The following PTPRD variants were observed in gnomAD, a reference collection of about 807,000 sequenced individuals.
PTPRD encodes the protein receptor-type tyrosine-protein phosphatase delta.
Under a neutral mutation model 214.5 loss-of-function variants are expected in PTPRD, and 34 were observed. That is an observed-to-expected ratio of 0.16 (90% CI 0.12 to 0.21). The LOEUF is 0.21. Ranked by LOEUF, PTPRD falls within the 10% of genes least tolerant of loss-of-function variation. The pLI is 1.00. For synonymous variants in PTPRD, 1,128 were observed against 845.7 expected (o/e 1.33, Z -5.79); for missense variants, 2,545 against 2,398.7 (o/e 1.06, Z -1.27).
chr9:9,063,151 A>G (rs1420707230), intron 10 of PTPRD, among the ~76,000 whole-genome samples: 1 of 152,114 alleles, frequency 6.6e-6, no homozygotes, highest in Non-Finnish European at 1.5e-5. Flanking sequence ...TCATGGCTCT[A>G]CTTCAGACTA....
chr9:10,313,100 T>C (rs571396062), intron 3 of PTPRD, among the ~76,000 whole-genome samples: 23 of 151,956 alleles, frequency 1.5e-4, no homozygotes, highest in African/African-American at 4.3e-4. Context: ...GCAATCTCCA[T>C]AGGCAAAACC....
At chr9:10,092,866 C>T (rs904311131) in intron 3 of PTPRD, among the ~76,000 whole-genome samples, 48 of 151,396 alleles carry the variant, frequency 3.2e-4, no homozygotes, top group Non-Finnish European at 2.5e-4. Context: ...ACTCCCTATT[C>T]AATTAATGGT....
chr9:10,114,381 G>T (rs1426786779), intron 3 of PTPRD, among the ~76,000 whole-genome samples: 1 of 152,092 alleles, frequency 6.6e-6, no homozygotes, highest in Non-Finnish European at 1.5e-5. Context: ...TGATTCTTAG[G>T]CTATAAAGGC....
At chr9:9,321,790 A>T (rs745761380) in intron 9 of PTPRD, among the ~76,000 whole-genome samples, 1 of 152,108 alleles carries the variant, frequency 6.6e-6, no homozygotes, top group Non-Finnish European at 1.5e-5. Context: ...GGTCTATGTC[A>T]TATGGTTGTT....
chr9:9,752,602 G>A (rs959853982), intron 6 of PTPRD, among the ~76,000 whole-genome samples: 1 of 151,932 alleles, frequency 6.6e-6, no homozygotes, highest in Non-Finnish European at 1.5e-5. Context: ...CTTTAAGATC[G>A]AGGTTGAGGG....
intron 11 of PTPRD, among the ~76,000 whole-genome samples, chr9:9,017,939 C>T (rs894024649): frequency 6.6e-6 from 1 of 152,074 alleles, no homozygotes; most frequent in South Asian, 2.1e-4. Flanking sequence ...CCAGTCTCTA[C>T]TTACTACTTT....
intron 8 of PTPRD, among the ~76,000 whole-genome samples, chr9:9,519,097 T>TA (rs1239951441): frequency 1.3e-5 from 2 of 152,002 alleles, no homozygotes; most frequent in African/African-American, 2.4e-5. Flanking sequence ...AATACTTCTA[T>TA]ATAACCCATA....
chr9:9,897,836 G>C (rs1400055649), intron 5 of PTPRD, among the ~76,000 whole-genome samples: 2 of 152,026 alleles, frequency 1.3e-5, no homozygotes, highest in Non-Finnish European at 2.9e-5. Flanking sequence ...GCTAAATTCA[G>C]CATTGGTAAG....
intron 5 of PTPRD, among the ~76,000 whole-genome samples, chr9:9,821,921 A>G (rs1433681784): frequency 6.7e-6 from 1 of 148,860 alleles, no homozygotes; most frequent in African/African-American, 2.4e-5. Context: ...TATGACATAT[A>G]TATTTATAAT....
intron 8 of PTPRD, among the ~76,000 whole-genome samples, chr9:9,419,611 T>C (rs2078057333): frequency 6.6e-6 from 1 of 151,794 alleles, no homozygotes; most frequent in South Asian, 2.1e-4. Context: ...ATATCATCCT[T>C]TCTTTGTTCA....
intron 3 of PTPRD, among the ~76,000 whole-genome samples, chr9:10,190,884 C>G (rs1166322631): frequency 1.3e-5 from 2 of 152,002 alleles, no homozygotes; most frequent in East Asian, 3.9e-4. Context: ...TGGCCAGCAG[C>G]CTCTCTAAGT....
chr9:8,416,502 C>T (rs776791286), intron 35 of PTPRD, among the ~76,000 whole-genome samples: 1 of 152,118 alleles, frequency 6.6e-6, no homozygotes, highest in Non-Finnish European at 1.5e-5. Context: ...CACAACTGCA[C>T]ATGTGACTTC....
intron 11 of PTPRD, among the ~76,000 whole-genome samples, chr9:8,885,977 T>A (rs1026564478): frequency 6.6e-6 from 1 of 152,228 alleles, no homozygotes; most frequent in Non-Finnish European, 1.5e-5. Flanking sequence ...AGATTTTTGA[T>A]GAATTGCATC....
chr9:9,552,763 T>C (rs1426163063), intron 8 of PTPRD, among the ~76,000 whole-genome samples: 1 of 152,066 alleles, frequency 6.6e-6, no homozygotes, highest in African/African-American at 2.4e-5. Flanking sequence ...CATTGTGACA[T>C]GGCTGCTTTT....
At chr9:9,778,392 A>G (rs545057170) in intron 5 of PTPRD, among the ~76,000 whole-genome samples, 1 of 152,288 alleles carries the variant, frequency 6.6e-6, no homozygotes, top group East Asian at 1.9e-4. Context: ...AGGCAGAGAC[A>G]GGCCTTCAGG....
intron 2 of PTPRD, among the ~76,000 whole-genome samples, chr9:10,351,319 C>A (rs1286640516): frequency 6.6e-6 from 1 of 152,046 alleles, no homozygotes; most frequent in Non-Finnish European, 1.5e-5. Flanking sequence ...TGAACCCTGT[C>A]TTTTCCTGGC....
At chr9:9,111,275 T>C (rs1184794999) in intron 10 of PTPRD, among the ~76,000 whole-genome samples, 1 of 148,956 alleles carries the variant, frequency 6.7e-6, no homozygotes, top group Admixed American at 6.8e-5. Context: ...TTTTGATAGC[T>C]TCTCTCAGCT....
chr9:8,544,157 G>C (rs1254249776), intron 14 of PTPRD, among the ~76,000 whole-genome samples: 1 of 142,324 alleles, frequency 7.0e-6, no homozygotes, highest in African/African-American at 2.6e-5. Flanking sequence ...GTAAGGTTTT[G>C]CCATTACTTT....
chr9:9,784,210 A>C (rs1316285300), intron 5 of PTPRD, among the ~76,000 whole-genome samples: 2 of 152,104 alleles, frequency 1.3e-5, no homozygotes, highest in Non-Finnish European at 2.9e-5. Flanking sequence ...ATAGTTTAGG[A>C]AGAGCTGTAC....
Sources: gnomAD v4.1 joint callset for allele counts (sites outside exome capture counted in the v4.1 genomes callset) on GRCh38, gnomAD v4.1.1 for gene constraint, MANE v1.5 for transcripts, NCBI Gene and HGNC (gene_info 2026-07-23, HGNC 2026-07-21) for gene names.